The following ARHGEF3 variants were observed in gnomAD, a reference collection of about 807,000 sequenced individuals.
ARHGEF3 encodes 59.8 kDA protein.
ARHGEF3 carries 28 observed loss-of-function variants against 63.2 expected under a neutral mutation model. The ratio of observed to expected loss-of-function variants is 0.44; its 90% confidence interval spans 0.33 to 0.61. The LOEUF is 0.61. Among genes scored for constraint, ARHGEF3 ranks in the 20% least tolerant of loss-of-function variants. The pLI, the probability that ARHGEF3 is intolerant of heterozygous loss-of-function variation, is 0.03. For missense variants in ARHGEF3, 533 were observed against 659.3 expected, an observed-to-expected ratio of 0.81 and a Z score of 2.10; for synonymous variants, 266 against 254.2, an observed-to-expected ratio of 1.05 and a Z score of -0.44.
chr3:57,060,897 A>G (rs1401101900), intron 1 of ARHGEF3: 3 of 147,530 alleles, frequency 2.0e-5, no homozygotes, highest in African/African-American at 7.6e-5. Flanking sequence ...ACTGTGCTAC[A>G]TTTTGACATA....
Position 56,813,826 on chromosome 3 carries a change from A to G in ARHGEF3, c.193-40010T>C, listed in dbSNP as rs966712608. Among the ~76,000 whole-genome samples the G allele has an allele frequency of 5.3e-5, 8 of 152,168 alleles. 1 individual carries two copies. The highest frequency in any genetic ancestry group is 3.9e-4 in the Admixed American group (6 of 15,276). ...ACGTTTCCTGAGTTATGGGCCCCAA[A>G]CACCACATCCTTTTCCTCCCTCCCA... On this transcript the variant is annotated intron_variant, in intron 4 of 12. Coordinates refer to the ARHGEF3 transcript ENST00000338458.
intron 1 of ARHGEF3, chr3:56,775,287 T>C (rs924374863): frequency 1.6e-6 from 2 of 1,236,134 alleles, no homozygotes; most frequent in African/African-American, 1.6e-5. Flanking sequence ...GACACTCTCA[T>C]GTCATTTTAT....
At chr3:56,831,230 C>T (rs1001933432) in intron 4 of ARHGEF3, among the ~76,000 whole-genome samples, 1 of 152,014 alleles carries the variant, frequency 6.6e-6, no homozygotes, top group Non-Finnish European at 1.5e-5. Flanking sequence ...GGCCGTATGG[C>T]GAGTAAATGG....
intron 1 of ARHGEF3, among the ~76,000 whole-genome samples, chr3:57,041,412 C>A (rs537680833): frequency 1.3e-5 from 2 of 152,326 alleles, no homozygotes; most frequent in Non-Finnish European, 2.9e-5. Context: ...GGGATTTGAA[C>A]ACACACCATC....
At chr3:56,799,732 C>T (rs2107960993) in intron 1 of ARHGEF3, among the ~76,000 whole-genome samples, 1 of 152,324 alleles carries the variant, frequency 6.6e-6, no homozygotes, top group East Asian at 1.9e-4. Context: ...ACCCACTAAA[C>T]TCACTTAGGT....
intron 4 of ARHGEF3, among the ~76,000 whole-genome samples, chr3:56,838,449 C>T (rs772717781): frequency 3.9e-5 from 6 of 152,094 alleles, no homozygotes; most frequent in Non-Finnish European, 8.8e-5. Context: ...TGATCCAAAA[C>T]TGGGAAATAA....
intron 2 of ARHGEF3, among the ~76,000 whole-genome samples, chr3:57,028,252 T>C (rs559435033): frequency 6.1e-4 from 75 of 123,240 alleles, no homozygotes; most frequent in African/African-American, 2.2e-3. Context: ...CGTATGTTTA[T>C]TGCAGCATTA....
chr3:56,803,459 G>T, upstream of ARHGEF3, among the ~76,000 whole-genome samples: 1 of 150,470 alleles, frequency 6.6e-6, no homozygotes, highest in East Asian at 1.9e-4. Flanking sequence ...AAGAAAAAAA[G>T]AAAGAAATAG....
chr3:56,760,037 T>C (rs1446891039), intron 2 of ARHGEF3, among the ~76,000 whole-genome samples: 1 of 152,176 alleles, frequency 6.6e-6, no homozygotes, highest in East Asian at 1.9e-4. Context: ...CCACAACTGA[T>C]GGACATTAAA....
chr3:56,930,776 G>A (rs546864788), intron 3 of ARHGEF3, among the ~76,000 whole-genome samples: 1 of 152,262 alleles, frequency 6.6e-6, no homozygotes, highest in South Asian at 2.1e-4. Flanking sequence ...AGGGAAATGG[G>A]CATTTATTGA....
chr3:56,735,414 A>G (rs2033540365), intron 8 of ARHGEF3, among the ~76,000 whole-genome samples: 1 of 152,048 alleles, frequency 6.6e-6, no homozygotes, highest in African/African-American at 2.4e-5. Context: ...TTTATTCACA[A>G]TGACGTTTAC....
chr3:57,049,433 C>G (rs773211208), intron 1 of ARHGEF3, among the ~76,000 whole-genome samples: 1 of 152,138 alleles, frequency 6.6e-6, no homozygotes, highest in Non-Finnish European at 1.5e-5. Context: ...GACTGGGCTG[C>G]TCTCGAAACT....
chr3:57,016,088 T>G (rs926326948), intron 2 of ARHGEF3, among the ~76,000 whole-genome samples: 7 of 152,132 alleles, frequency 4.6e-5, no homozygotes, highest in African/African-American at 1.7e-4. Flanking sequence ...GAAAAGAACA[T>G]GCACAACTAT....
At chr3:57,035,777 C>A (rs561917767) in intron 1 of ARHGEF3, among the ~76,000 whole-genome samples, 3 of 152,238 alleles carry the variant, frequency 2.0e-5, no homozygotes, top group Admixed American at 6.5e-5. Flanking sequence ...AACCTTCCCA[C>A]GGGCTGGAAC....
At chr3:56,775,309 T>A in intron 1 of ARHGEF3, 1 of 1,197,218 alleles carries the variant, frequency 8.4e-7, no homozygotes, top group Non-Finnish European at 1.0e-6. Flanking sequence ...CCCCTGCCAG[T>A]CTCAGAAATC....
intron 2 of ARHGEF3, among the ~76,000 whole-genome samples, chr3:56,761,757 C>T (rs2035434862): frequency 2.0e-5 from 3 of 152,252 alleles, no homozygotes; most frequent in South Asian, 4.1e-4. Context: ...GAAGGTCACA[C>T]AGCTAATGAA....
intron 1 of ARHGEF3, among the ~76,000 whole-genome samples, chr3:57,047,971 G>A (rs1704529021): frequency 6.6e-6 from 1 of 152,006 alleles, no homozygotes; most frequent in Admixed American, 6.5e-5. Context: ...ACAGGCATGT[G>A]GATCTCCAGA....
chr3:56,746,127 C>A (rs2034370236), intron 6 of ARHGEF3, among the ~76,000 whole-genome samples: 1 of 152,174 alleles, frequency 6.6e-6, no homozygotes, highest in Non-Finnish European at 1.5e-5. Context: ...ACTTTTTCTG[C>A]CTTGGTGTTC....
chr3:57,009,698 T>C (rs79816499), intron 2 of ARHGEF3, among the ~76,000 whole-genome samples: 3,418 of 152,228 alleles, frequency 0.022, 165 homozygotes, highest in African/African-American at 0.079. Context: ...TGTGATGGAA[T>C]GCCAGGGTAA....
Sources: allele counts gnomAD v4.1 joint callset (sites outside exome capture counted in the v4.1 genomes callset), GRCh38; gene constraint gnomAD v4.1.1; transcripts MANE v1.5; gene names NCBI Gene and HGNC (gene_info 2026-07-23, HGNC 2026-07-21).